The following USP7 variants were observed in gnomAD, a reference collection of about 807,000 sequenced individuals.
The protein encoded by USP7 is ubiquitin C-terminal hydrolase 7.
In USP7, 9 loss-of-function variants were observed where a neutral mutation model predicts 162.9. The ratio of observed to expected loss-of-function variants is 0.06; its 90% confidence interval spans 0.03 to 0.10. The LOEUF is 0.10. Among genes scored for constraint, USP7 ranks in the 10% least tolerant of loss-of-function variants. The probability of loss-of-function intolerance (pLI) is 1.00; values close to 1 mark genes in which losing one functional copy is unlikely to be tolerated. For missense variants in USP7, 715 were observed against 1,373.7 expected, an observed-to-expected ratio of 0.52 and a Z score of 7.58; for synonymous variants, 562 against 475.9, an observed-to-expected ratio of 1.18 and a Z score of -2.35.
At position 8,910,924 on chromosome 16, in the gene USP7, G is replaced by C; in HGVS notation, c.1079-97C>G. On this transcript the variant is annotated intron_variant, in intron 10 of 30. Transcript: ENST00000344836. ...ATTTAAATCAGCATATTTAGGATTA[G>C]CAGAGAAGGTAAACAACACTAACAG... 2.9e-6 allele frequency: 3 copies of C among 1,032,188 alleles called. No individual in the cohort carries two copies. In the South Asian group the frequency reaches 4.0e-5, roughly 14 times the overall value. The allele number at this position is 1,032,188 out of a possible 1,614,324, so 63.9% of individuals were successfully genotyped here.
chr16:8,896,633 C>T (rs2061685063), intron 26 of USP7, among the ~76,000 whole-genome samples: 1 of 152,170 alleles, frequency 6.6e-6, no homozygotes, highest in South Asian at 2.1e-4. Flanking sequence ...TTCAGTTCAT[C>T]GTTCAAATGG....
At chr16:8,894,180 G>T in intron 30 of USP7, 76 bp from the exon 31 acceptor site, 1 of 1,371,416 alleles carries the variant, frequency 7.3e-7, no homozygotes, top group Non-Finnish European at 1.0e-6. Context: ...GGCCAGTGAG[G>T]CATGCATCCC....
At chr16:8,909,918 T>C (rs2061918158) in intron 11 of USP7, among the ~76,000 whole-genome samples, 1 of 151,894 alleles carries the variant, frequency 6.6e-6, no homozygotes, top group South Asian at 2.1e-4. Flanking sequence ...AGACCGAGTC[T>C]CCGTCTCAGA....
At chr16:8,954,675 T>TA (rs2141264876) in intron 1 of USP7, among the ~76,000 whole-genome samples, 1 of 152,322 alleles carries the variant, frequency 6.6e-6, no homozygotes, top group African/African-American at 2.4e-5. Context: ...GTTTGCGTAG[T>TA]TTAATAACAG....
intron 2 of USP7, among the ~76,000 whole-genome samples, chr16:8,925,636 G>A (rs575558396): frequency 5.9e-5 from 9 of 152,172 alleles, no homozygotes; most frequent in Non-Finnish European, 1.0e-4. Flanking sequence ...GCCCCGCAGA[G>A]GCCACCGCGC....
chr16:8,938,478 C>G (rs1010360024), intron 1 of USP7, among the ~76,000 whole-genome samples: 2 of 151,900 alleles, frequency 1.3e-5, no homozygotes, highest in African/African-American at 4.8e-5. Context: ...TGTAGGAGGC[C>G]GAGGCAGGTG....
At chr16:8,926,486 A>G (rs1435346188) in intron 2 of USP7, among the ~76,000 whole-genome samples, 2 of 152,158 alleles carry the variant, frequency 1.3e-5, no homozygotes, top group Non-Finnish European at 2.9e-5. Flanking sequence ...TGGTCTCCAA[A>G]AAAATTCAAG....
intron 10 of USP7, among the ~76,000 whole-genome samples, chr16:8,911,446 C>T (rs1439573433): frequency 6.6e-6 from 1 of 152,226 alleles, no homozygotes; most frequent in African/African-American, 2.4e-5. Flanking sequence ...GTGACAAGCT[C>T]TCAATCCAAC....
At chr16:8,946,610 A>C (rs977525981) in intron 1 of USP7, among the ~76,000 whole-genome samples, 1 of 152,236 alleles carries the variant, frequency 6.6e-6, no homozygotes, top group African/African-American at 2.4e-5. Context: ...TCAACTAAAA[A>C]GTCAGAATAG....
chr16:8,921,839 T>C (rs778860852), intron 3 of USP7, among the ~76,000 whole-genome samples: 1 of 152,228 alleles, frequency 6.6e-6, no homozygotes, highest in Non-Finnish European at 1.5e-5. Context: ...AAAGGGCCTC[T>C]AGATCCAGGT....
At chr16:8,951,791 C>T (rs1484859395) in intron 1 of USP7, among the ~76,000 whole-genome samples, 2 of 152,232 alleles carry the variant, frequency 1.3e-5, no homozygotes, top group Non-Finnish European at 2.9e-5. Context: ...ATGATTCATT[C>T]AGCTCAGGAT....
intron 2 of USP7, among the ~76,000 whole-genome samples, chr16:8,928,783 G>T (rs2141226943): frequency 6.6e-6 from 1 of 152,260 alleles, no homozygotes; most frequent in Admixed American, 6.5e-5. Flanking sequence ...GGGTCCTATG[G>T]CGTGGCACCA....
chr16:8,913,524 C>CGAAG (rs2061982295), intron 10 of USP7, among the ~76,000 whole-genome samples: 1 of 151,848 alleles, frequency 6.6e-6, no homozygotes, highest in Non-Finnish European at 1.5e-5. Flanking sequence ...TCTAACAGAC[C>CGAAG]GAAGGAAGGA....
intron 1 of USP7, chr16:8,962,536 T>G (rs1187673238): frequency 6.7e-6 from 3 of 445,114 alleles, no homozygotes; most frequent in African/African-American, 6.0e-5. Flanking sequence ...TTCGCACGGT[T>G]GCAAGCGCAC....
At position 8,894,572 on chromosome 16, in the gene USP7, C is replaced by T. The variant is rs1234538656; in HGVS notation, c.3180G>A (p.Leu1060=). Residue 1060 remains leucine, a synonymous_variant, in exon 30 of 31, where the codon TTG becomes TTA. Transcript: ENST00000344836. ...TACCGGGCTGTGGCTCAAAGTCTTT[C>T]AAATTTACTTCATACTCGTCTTCAT... ...YINEDEYEVN[L]KDFEPQPGNM... The T allele has an allele frequency of 5.6e-6, 9 of 1,613,012 alleles. No homozygotes were observed. Among genetic ancestry groups the T allele is most frequent in the Non-Finnish European group, 7.6e-6 (9 of 1,179,968 alleles).
At chr16:8,918,993 G>T in intron 6 of USP7, 38 bp downstream of exon 6, 2 of 1,599,346 alleles carry the variant, frequency 1.3e-6, no homozygotes, top group South Asian at 2.2e-5. Context: ...AAGAAAGGGT[G>T]AGCGGAAGGC....
In USP7 at chr16:8,893,520, G is replaced by C. The variant is rs139870777; in HGVS notation, c.*478C>G. 160 of 158,154 alleles carry C rather than the reference G, an allele frequency of 1.0e-3. No homozygotes were observed. Among genetic ancestry groups the C allele is most frequent in the African/African-American group, 3.7e-3 (156 of 41,628 alleles). The allele number at this position is 158,154 out of a possible 1,614,324, so 9.8% of individuals were successfully genotyped here. A position where few individuals can be genotyped will look rare whatever the true frequency, so the allele number is the denominator to read the frequency against. On this transcript the variant is annotated 3_prime_UTR_variant, in exon 31 of 31. Coordinates refer to ENST00000344836, the MANE Select transcript of USP7 (RefSeq NM_003470.3). ...AGGGAAGAGCGCTATTTATTAGGTT[G>C]TGAGTTTCTCTGTTTTGCCTTAACA... is the stretch of plus-strand genomic sequence containing the variant.
intron 1 of USP7, among the ~76,000 whole-genome samples, chr16:8,961,934 A>G (rs1434376343): frequency 3.3e-5 from 5 of 152,206 alleles, no homozygotes; most frequent in African/African-American, 1.2e-4. Flanking sequence ...CCATTGATAA[A>G]TACCACTGGG....
At chr16:8,929,304 T>TCGTCTA (rs1898187758) in intron 2 of USP7, 1 of 351,542 alleles carries the variant, frequency 2.8e-6, no homozygotes, top group South Asian at 2.1e-5. Context: ...ACCATTGCCC[T>TCGTCTA]CGTCTACGGT....
Sources: gnomAD v4.1 joint callset for allele counts (sites outside exome capture counted in the v4.1 genomes callset) on GRCh38, gnomAD v4.1.1 for gene constraint, MANE v1.5 for transcripts, NCBI Gene and HGNC (gene_info 2026-07-23, HGNC 2026-07-21) for gene names.